Variants in OR2L13 observed in about 807,000 individuals in gnomAD.
OR2L13 encodes olfactory receptor family 2 subfamily L member 13.
Under a neutral mutation model 15.3 loss-of-function variants are expected in OR2L13, and 14 were observed. That is an observed-to-expected ratio of 0.91 (90% confidence interval 0.60 to 1.43). OR2L13 has a LOEUF of 1.43. Ranked by LOEUF, OR2L13 falls within the 40% of genes most tolerant of loss-of-function variation. OR2L13 has a pLI of 0.00. For synonymous variants in OR2L13, 152 were observed against 142.9 expected (o/e 1.06, Z -0.45); for missense variants, 367 against 387.9 (o/e 0.95, Z 0.45).
the OR2L13 span, among the ~76,000 whole-genome samples, chr1:248,044,306 A>C: frequency 2.6e-5 from 4 of 152,206 alleles, no homozygotes; most frequent in African/African-American, 4.8e-5. Flanking sequence ...ATACTACATG[A>C]TCTCCCTTAT....
At chr1:247,968,430 G>A in the OR2L13 span, among the ~76,000 whole-genome samples, 1 of 151,936 alleles carries the variant, frequency 6.6e-6, no homozygotes, top group East Asian at 1.9e-4. Context: ...ATGCCATGTT[G>A]GTTTGCTGCA....
the OR2L13 span, among the ~76,000 whole-genome samples, chr1:248,078,963 C>G: frequency 0.69 from 104,836 of 151,466 alleles, 41,341 homozygotes; most frequent in South Asian, 0.9. Context: ...GGTCTCCAGA[C>G]GTTAGGAGGT....
At chr1:248,003,623 A>G in the OR2L13 span, 6 of 1,611,528 alleles carry the variant, frequency 3.7e-6, no homozygotes, top group Non-Finnish European at 5.1e-6. Flanking sequence ...TATACTCCAT[A>G]TTCCTTATTG....
At chr1:247,965,233 T>G in the OR2L13 span, 16 of 963,664 alleles carry the variant, frequency 1.7e-5, no homozygotes, top group Admixed American at 3.6e-5. Flanking sequence ...AAGCACTTTG[T>G]GCTCTAAACA....
the OR2L13 span, among the ~76,000 whole-genome samples, chr1:248,081,729 C>T: frequency 6.6e-6 from 1 of 152,254 alleles, no homozygotes; most frequent in Non-Finnish European, 1.5e-5. Context: ...ATGCTATCTC[C>T]TGTCATCCTC....
At chr1:247,969,446 C>CAA in the OR2L13 span, among the ~76,000 whole-genome samples, 2 of 152,252 alleles carry the variant, frequency 1.3e-5, no homozygotes, top group South Asian at 2.1e-4. Context: ...AACACACGTT[C>CAA]CCCTATGTTA....
At chr1:248,019,123 T>A in the OR2L13 span, among the ~76,000 whole-genome samples, 1 of 152,174 alleles carries the variant, frequency 6.6e-6, no homozygotes, top group African/African-American at 2.4e-5. Context: ...TTTCTGAGGG[T>A]CTTATTTCTT....
At chr1:247,988,268 G>T in the OR2L13 span, among the ~76,000 whole-genome samples, 1 of 151,368 alleles carries the variant, frequency 6.6e-6, no homozygotes, top group African/African-American at 2.4e-5. Context: ...AATACTTTTA[G>T]GTTGTTTTCT....
the OR2L13 span, among the ~76,000 whole-genome samples, chr1:248,043,864 G>C: frequency 1.3e-5 from 2 of 152,052 alleles, no homozygotes; most frequent in South Asian, 4.2e-4. Context: ...TCTGCTACTA[G>C]GGTTTGTGAT....
chr1:248,031,536 G>C, the OR2L13 span, among the ~76,000 whole-genome samples: 1 of 152,204 alleles, frequency 6.6e-6, no homozygotes, highest in African/African-American at 2.4e-5. Flanking sequence ...CATGCAGGGG[G>C]TGAGGAGATG....
At chr1:247,967,509 A>G in the OR2L13 span, among the ~76,000 whole-genome samples, 12 of 152,300 alleles carry the variant, frequency 7.9e-5, no homozygotes, top group East Asian at 1.2e-3. Flanking sequence ...GATTACAGGC[A>G]TGAGCCACTG....
At chr1:248,006,040 T>TG in the OR2L13 span, among the ~76,000 whole-genome samples, 1 of 152,134 alleles carries the variant, frequency 6.6e-6, no homozygotes, top group African/African-American at 2.4e-5. Context: ...ACAACAGAGA[T>TG]GGGCTCTGGA....
At chr1:247,967,287 G>A in the OR2L13 span, among the ~76,000 whole-genome samples, 1 of 152,092 alleles carries the variant, frequency 6.6e-6, no homozygotes, top group East Asian at 1.9e-4. Context: ...GGAGTGCAGT[G>A]GCTTGAGCTT....
At chr1:248,022,259 G>A in the OR2L13 span, 1 of 1,614,162 alleles carries the variant, frequency 6.2e-7, no homozygotes, top group Non-Finnish European at 8.5e-7. Flanking sequence ...TCTTCTTCAT[G>A]ACTTTTGCAG....
the OR2L13 span, among the ~76,000 whole-genome samples, chr1:248,049,271 G>T: frequency 6.6e-6 from 1 of 152,068 alleles, no homozygotes; most frequent in Non-Finnish European, 1.5e-5. Flanking sequence ...ACTAAATTAG[G>T]CTACTTTCTT....
the OR2L13 span, among the ~76,000 whole-genome samples, chr1:248,017,991 T>C: frequency 6.6e-6 from 1 of 151,744 alleles, no homozygotes; most frequent in African/African-American, 2.4e-5. Flanking sequence ...AAAGTATATG[T>C]ATATATAAAA....
the OR2L13 span, among the ~76,000 whole-genome samples, chr1:248,044,525 C>T: frequency 1.2e-5 from 1 of 85,134 alleles, no homozygotes; most frequent in Admixed American, 9.0e-5. Context: ...CTTCCCCGGC[C>T]GGGCGCGGTG....
chr1:247,982,584 A>T, the OR2L13 span, among the ~76,000 whole-genome samples: 2 of 152,184 alleles, frequency 1.3e-5, no homozygotes, highest in African/African-American at 2.4e-5. Flanking sequence ...CCTCAACTTG[A>T]TTATGTAGTA....
At chr1:248,087,009 A>G in the OR2L13 span, among the ~76,000 whole-genome samples, 1 of 152,030 alleles carries the variant, frequency 6.6e-6, no homozygotes, top group African/African-American at 2.4e-5. Flanking sequence ...TAAACTGATT[A>G]TCGTCCCCTT....
Sources: gnomAD v4.1 joint callset for allele counts (sites outside exome capture counted in the v4.1 genomes callset) on GRCh38, gnomAD v4.1.1 for gene constraint, MANE v1.5 for transcripts, NCBI Gene and HGNC (gene_info 2026-07-23, HGNC 2026-07-21) for gene names.